The following HDAC9 variants were observed in gnomAD, a reference collection of about 807,000 sequenced individuals.
The protein encoded by HDAC9 is MEF-2 interacting transcription repressor (MITR) protein.
A neutral mutation model predicts 139.4 loss-of-function variants in HDAC9; 41 were observed. The observed-to-expected ratio is 0.29, with a 90% CI of 0.23 to 0.38. HDAC9 has a LOEUF of 0.38. Among genes scored for constraint, HDAC9 ranks in the 10% least tolerant of loss-of-function variants. The pLI is 1.00. For synonymous variants in HDAC9, 517 were observed against 476.2 expected, an observed-to-expected ratio of 1.09 and a Z score of -1.12; for missense variants, 1,147 against 1,297.0, an observed-to-expected ratio of 0.88 and a Z score of 1.78.
At chr7:18,768,367 C>T (rs1021645056) in intron 16 of HDAC9, among the ~76,000 whole-genome samples, 5 of 152,158 alleles carry the variant, frequency 3.3e-5, no homozygotes, top group African/African-American at 1.2e-4. Flanking sequence ...CAGCTTCCCC[C>T]CACTCCCTCT....
intron 25 of HDAC9, among the ~76,000 whole-genome samples, chr7:18,980,226 C>T (rs1022900719): frequency 3.3e-5 from 5 of 152,050 alleles, no homozygotes; most frequent in Admixed American, 3.3e-4. Context: ...TCCTCCAATG[C>T]CCAGTTATGT....
At chr7:18,777,909 C>T (rs1210889828) in intron 16 of HDAC9, among the ~76,000 whole-genome samples, 1 of 151,930 alleles carries the variant, frequency 6.6e-6, no homozygotes, top group Non-Finnish European at 1.5e-5. Context: ...TTTACACAAA[C>T]CTTCCAATGA....
intron 2 of HDAC9, among the ~76,000 whole-genome samples, chr7:18,562,515 T>C (rs1820935429): frequency 6.6e-6 from 1 of 152,164 alleles, no homozygotes; most frequent in Non-Finnish European, 1.5e-5. Flanking sequence ...TGAAAAACTG[T>C]TATTTTCCCC....
chr7:18,260,274 T>G (rs1176155636), intron 2 of HDAC9, among the ~76,000 whole-genome samples: 1 of 151,820 alleles, frequency 6.6e-6, no homozygotes, highest in East Asian at 1.9e-4. Flanking sequence ...GGGCTAGCAT[T>G]TACGGGGTGC....
At chr7:18,459,609 G>A (rs576374828) in intron 1 of HDAC9, among the ~76,000 whole-genome samples, 21 of 152,026 alleles carry the variant, frequency 1.4e-4, no homozygotes, top group African/African-American at 2.2e-4. Context: ...CCAGTAAATC[G>A]TCCTGCCTGG....
intron 6 of HDAC9, among the ~76,000 whole-genome samples, chr7:18,622,413 T>A (rs1404182270): frequency 6.6e-6 from 1 of 152,176 alleles, no homozygotes; most frequent in Non-Finnish European, 1.5e-5. Context: ...AACATCTGCC[T>A]CCCAGGTTCA....
intron 25 of HDAC9, among the ~76,000 whole-genome samples, chr7:18,987,392 C>T (rs1394454824): frequency 6.6e-6 from 1 of 152,104 alleles, no homozygotes; most frequent in African/African-American, 2.4e-5. Flanking sequence ...TATATTGAAC[C>T]AGCCTTGCAT....
chr7:18,667,858 T>A, intron 12 of HDAC9: 1 of 983,522 alleles, frequency 1.0e-6, no homozygotes. Context: ...ATGTTTACCT[T>A]GTTTTATAGG....
intron 1 of HDAC9, among the ~76,000 whole-genome samples, chr7:18,477,477 C>A (rs562879403): frequency 6.6e-6 from 1 of 152,098 alleles, no homozygotes; most frequent in Admixed American, 6.6e-5. Flanking sequence ...ACTGCATTTA[C>A]AAAATATATT....
chr7:18,437,443 A>G (rs1791310214), intron 1 of HDAC9, among the ~76,000 whole-genome samples: 1 of 151,998 alleles, frequency 6.6e-6, no homozygotes. Flanking sequence ...CTGTTTTTAA[A>G]TAATTGCTCC....
rs368153142 is a variant in HDAC9, at chr7:18,533,723, G to A, written c.22+37399G>A. On this transcript the variant is annotated intron_variant, in intron 2 of 25. Coordinates refer to ENST00000686413, the MANE Select transcript of HDAC9 (RefSeq NM_178425.4). ...GTTTTCAGTATTTAGATACTCACTC[G>A]AATTATTTTCCTTTCTTTAATATAA... Among the ~76,000 whole-genome samples the A allele has an allele frequency of 1.1e-4, 16 of 151,950 alleles. No individual in the cohort carries two copies. The South Asian group carries it at 3.1e-3, about 30-fold the overall frequency.
At chr7:18,988,691 G>A (rs1458707613) in intron 25 of HDAC9, among the ~76,000 whole-genome samples, 3 of 151,182 alleles carry the variant, frequency 2.0e-5, no homozygotes, top group Non-Finnish European at 3.0e-5. Context: ...TTAATGTGTG[G>A]GAGTCTAAGT....
At chr7:18,643,288 A>G (rs1218584783) in intron 8 of HDAC9, among the ~76,000 whole-genome samples, 4 of 152,130 alleles carry the variant, frequency 2.6e-5, no homozygotes, top group Non-Finnish European at 5.9e-5. Context: ...AACAATCTTC[A>G]TGCTATGTCA....
chr7:18,994,061 C>T (rs1360958241), intron 25 of HDAC9, among the ~76,000 whole-genome samples: 1 of 152,156 alleles, frequency 6.6e-6, no homozygotes, highest in Admixed American at 6.5e-5. Context: ...AGCCTACTCA[C>T]ATCCTTTAAG....
chr7:18,482,646 A>AT (rs758662500), intron 1 of HDAC9, among the ~76,000 whole-genome samples: 9 of 151,854 alleles, frequency 5.9e-5, no homozygotes, highest in East Asian at 5.8e-4. Context: ...GCCCTTATTT[A>AT]TTTTTTTTCT....
intron 1 of HDAC9, among the ~76,000 whole-genome samples, chr7:18,141,682 T>C (rs1785907199): frequency 6.6e-6 from 1 of 152,152 alleles, no homozygotes; most frequent in Admixed American, 6.6e-5. Flanking sequence ...CGGGTGGGAT[T>C]GGAGCTCTTT....
chr7:18,331,095 A>G (rs17139048), intron 1 of HDAC9, among the ~76,000 whole-genome samples: 30,743 of 151,620 alleles, frequency 0.2, 3,196 homozygotes, highest in Non-Finnish European at 0.22. Flanking sequence ...GATAGGTACA[A>G]CTATCAAGAG....
intron 21 of HDAC9, among the ~76,000 whole-genome samples, chr7:18,847,211 C>A (rs1316922983): frequency 6.6e-6 from 1 of 152,186 alleles, no homozygotes; most frequent in African/African-American, 2.4e-5. Flanking sequence ...AAAAACTTCA[C>A]TTTGAGGTAG....
chr7:18,755,956 T>C (rs1454166953), intron 14 of HDAC9, among the ~76,000 whole-genome samples: 2 of 152,138 alleles, frequency 1.3e-5, no homozygotes, highest in South Asian at 4.1e-4. Context: ...CAAGTGTTGG[T>C]CAGTACAGTG....
Sources: gnomAD v4.1 joint callset for allele counts (sites outside exome capture counted in the v4.1 genomes callset) on GRCh38, gnomAD v4.1.1 for gene constraint, MANE v1.5 for transcripts, NCBI Gene and HGNC (gene_info 2026-07-23, HGNC 2026-07-21) for gene names.